Variants in UPF2 observed in about 807,000 individuals in gnomAD.
UPF2 encodes the protein regulator of nonsense transcripts 2.
UPF2 carries 17 observed loss-of-function variants against 141.4 expected under a neutral mutation model. That is an observed-to-expected ratio of 0.12 (90% CI 0.08 to 0.18). The LOEUF (loss-of-function observed/expected upper bound fraction) is 0.18. Ranked by LOEUF, UPF2 falls within the 10% of genes least tolerant of loss-of-function variation. The pLI is 1.00. For synonymous variants in UPF2, 540 were observed against 498.0 expected, an observed-to-expected ratio of 1.08 and a Z score of -1.12; for missense variants, 1,152 against 1,515.9, an observed-to-expected ratio of 0.76 and a Z score of 3.99.
In UPF2 at chr10:11,956,527, A is replaced by G. The variant is rs1448118982; in HGVS notation, c.2371-4T>C. 6.2e-7 allele frequency: 1 copy of G among 1,612,304 alleles called. No individual in the cohort carries two copies. The highest frequency in any genetic ancestry group is 1.7e-5 in the Admixed American group (1 of 59,834). On this transcript the variant is annotated splice_region_variant and splice_polypyrimidine_tract_variant and intron_variant, in intron 12 of 21. Transcript: ENST00000357604. The surrounding 1 kb of genome is among the most constrained non-coding windows in gnomAD (Gnocchi z 4.2). ...GCTTTCGCATCTGTCTCAAAACCTAAAAAAAGAGAATTTTGTTCAAATTAT... is the reference window on the plus strand; with the variant it reads ...GCTTTCGCATCTGTCTCAAAACCTAGAAAAAGAGAATTTTGTTCAAATTAT...
At chr10:12,037,856 T>C (rs1834660123) in intron 1 of UPF2, among the ~76,000 whole-genome samples, 1 of 152,224 alleles carries the variant, frequency 6.6e-6, no homozygotes, top group Non-Finnish European at 1.5e-5. Context: ...AAAATGTTAA[T>C]TTCACAGAAA....
At chr10:11,983,382 A>T (rs903939384) in intron 8 of UPF2, among the ~76,000 whole-genome samples, 5 of 150,626 alleles carry the variant, frequency 3.3e-5, no homozygotes, top group Non-Finnish European at 7.4e-5. Context: ...TTATTTACTT[A>T]TTTTTTTTTA....
chr10:11,969,328 C>G lies in UPF2; in HGVS notation c.1954-1874G>C, dbSNP rs531045029. 3.3e-5 allele frequency among the ~76,000 whole-genome samples: 5 copies of G among 152,148 alleles called. No individual in the cohort carries two copies. In the East Asian group the frequency reaches 5.8e-4, roughly 18 times the overall value. On this transcript the variant is annotated intron_variant, in intron 9 of 21. Transcript: ENST00000357604. ...GGGATTACAGGCGCCCGCCACCATG[C>G]CCGGCTAATTTTTTGTATTTTTAGT...
chr10:11,975,933 A>G (rs1381257750), intron 9 of UPF2, among the ~76,000 whole-genome samples: 1 of 152,190 alleles, frequency 6.6e-6, no homozygotes, highest in East Asian at 1.9e-4. Flanking sequence ...TTTCCCTATT[A>G]GAGTCATACT....
chr10:11,967,194 T>A (rs1037562793), intron 10 of UPF2, 147 bp downstream of exon 10: 11 of 467,884 alleles, frequency 2.4e-5, no homozygotes, highest in Non-Finnish European at 4.1e-5. Context: ...TGTTTTGTAT[T>A]TTGCACACTT....
In UPF2 at chr10:12,014,233, C is replaced by G; in HGVS notation, c.1146-49G>C. 1 of 1,319,264 alleles carries G rather than the reference C, an allele frequency of 7.6e-7. No homozygotes were observed. The allele number at this position is 1,319,264 out of a possible 1,614,324, so 81.7% of individuals were successfully genotyped here. A position where few individuals can be genotyped will look rare whatever the true frequency, so the allele number is the denominator to read the frequency against. The stretch of plus-strand genomic sequence containing the variant: ...ACAGTCTTATCAAAATAGATGTGAT[C>G]ACAAATTGTTATATATGGGAAACAT... On this transcript the variant is annotated intron_variant, in intron 3 of 21. Coordinates refer to ENST00000357604, the MANE Select transcript of UPF2 (RefSeq NM_015542.4). This position sits in a 1 kb window ranked among gnomAD's most constrained non-coding sequence, Gnocchi z 5.0.
chr10:12,029,089 A>G lies in UPF2; in HGVS notation c.801T>C (p.Arg267=), dbSNP rs1367640798. The G allele has an allele frequency of 6.2e-7, 1 of 1,614,202 alleles. No individual in the cohort carries two copies. ...CAACTATTGTCAATTCTGCAATAAA[A>G]CGCAAATCAGTTCTTAACTTGGTGA... ...PNITKLRTDL[R]FIAELTIVGI... is the part of the protein sequence containing the mutation. The change falls in exon 3 of 22, where the codon CGT becomes CGC. Residue 267 remains arginine (R), a synonymous_variant. Coordinates refer to ENST00000357604, the MANE Select transcript of UPF2 (RefSeq NM_015542.4).
chr10:12,041,158 A>G (rs1366512078), intron 1 of UPF2, among the ~76,000 whole-genome samples: 1 of 152,218 alleles, frequency 6.6e-6, no homozygotes, highest in African/African-American at 2.4e-5. Flanking sequence ...ATAAAATGCT[A>G]AAATTCTTAT....
At chr10:11,924,669 A>T (rs1832688929) in intron 21 of UPF2, among the ~76,000 whole-genome samples, 1 of 151,974 alleles carries the variant, frequency 6.6e-6, no homozygotes, top group Admixed American at 6.6e-5. Context: ...GTGATCTGGC[A>T]GTCTCTGCCT....
Position 11,948,304 on chromosome 10 carries a change from G to A in UPF2, c.3174+65C>T, listed in dbSNP as rs1212768142. ...AGGTCTTATGTATTAAAAAAATTTT[G>A]GCTCATATAATCAAAATACTCTTAT... On this transcript the variant is annotated intron_variant, in intron 16 of 21. Transcript: ENST00000357604. The A allele has an allele frequency of 4.5e-6, 6 of 1,325,328 alleles. No homozygotes were observed. In the East Asian group the frequency reaches 1.1e-4, roughly 24 times the overall value. The allele number at this position is 1,325,328 out of a possible 1,614,324, so 82.1% of individuals were successfully genotyped here.
chr10:12,032,124 T>C (rs1198347889), intron 2 of UPF2, among the ~76,000 whole-genome samples: 2 of 151,998 alleles, frequency 1.3e-5, no homozygotes, highest in South Asian at 2.1e-4. Context: ...AGAAACACTG[T>C]CTCTACTAAA....
intron 4 of UPF2, among the ~76,000 whole-genome samples, chr10:12,005,714 G>A (rs1329296163): frequency 1.3e-5 from 2 of 151,552 alleles, no homozygotes; most frequent in Admixed American, 6.6e-5. Flanking sequence ...GATTACAGGC[G>A]CCCGCCACCA....
In UPF2 at chr10:11,979,529, T is replaced by C. The variant is rs753261861; in HGVS notation, c.1845-364A>G. Among the ~76,000 whole-genome samples the C allele has an allele frequency of 1.3e-5, 2 of 152,236 alleles. No individual in the cohort carries two copies. The highest frequency in any genetic ancestry group is 2.4e-5 in the African/African-American group (1 of 41,458). ...TTTACAAATCTCAAGGTAACTTCTC[T>C]AGTGCAAGACAAAATCCTTTAAAGC... On this transcript the variant is annotated intron_variant, in intron 8 of 21. Coordinates refer to ENST00000357604, the MANE Select transcript of UPF2 (RefSeq NM_015542.4). This position sits in a 1 kb window ranked among gnomAD's most constrained non-coding sequence, Gnocchi z 6.2.
At chr10:11,934,702 GC>G (rs1339659268) in intron 19 of UPF2, among the ~76,000 whole-genome samples, 3 of 152,188 alleles carry the variant, frequency 2.0e-5, no homozygotes, top group African/African-American at 7.2e-5. Flanking sequence ...TGATTCTCCT[GC>G]CTCAGCCTCC....
At chr10:11,989,758 G>T (rs1833749268) in intron 8 of UPF2, among the ~76,000 whole-genome samples, 1 of 152,204 alleles carries the variant, frequency 6.6e-6, no homozygotes, top group African/African-American at 2.4e-5. Context: ...CTTGTCCAAA[G>T]TATCTAGGAC....
At chr10:12,030,797 T>G (rs887651632) in intron 2 of UPF2, among the ~76,000 whole-genome samples, 4 of 151,338 alleles carry the variant, frequency 2.6e-5, no homozygotes, top group Non-Finnish European at 4.4e-5. Flanking sequence ...GGCAGCAGAA[T>G]TGCTTGAACC....
At chr10:12,000,849 T>G (rs1833939675) in intron 6 of UPF2, among the ~76,000 whole-genome samples, 1 of 152,012 alleles carries the variant, frequency 6.6e-6, no homozygotes, top group Non-Finnish European at 1.5e-5. Flanking sequence ...AACTCAAAAC[T>G]CGATAAGAAG....
intron 4 of UPF2, among the ~76,000 whole-genome samples, chr10:12,008,974 G>A (rs1257175941): frequency 1.3e-5 from 2 of 152,036 alleles, no homozygotes; most frequent in African/African-American, 2.4e-5. Context: ...AGTTTGCTGA[G>A]AATGATGGCT....
intron 1 of UPF2, among the ~76,000 whole-genome samples, chr10:12,038,132 C>G (rs1834666005): frequency 6.6e-6 from 1 of 152,154 alleles, no homozygotes; most frequent in African/African-American, 2.4e-5. Context: ...CCTGTAATCC[C>G]AGCAATTTGG....
Sources: gnomAD v4.1 joint callset for allele counts (sites outside exome capture counted in the v4.1 genomes callset) on GRCh38, gnomAD v4.1.1 for gene constraint, Gnocchi (gnomAD v3.1) non-coding constraint, MANE v1.5 for transcripts, NCBI Gene and HGNC (gene_info 2026-07-23, HGNC 2026-07-21) for gene names.